The following ENTREP2 variants were observed in gnomAD, a reference collection of about 807,000 sequenced individuals.
The protein encoded by ENTREP2 is protein ENTREP2.
chr15:29,606,843 T>G, the ENTREP2 span, among the ~76,000 whole-genome samples: 1 of 152,078 alleles, frequency 6.6e-6, no homozygotes, highest in African/African-American at 2.4e-5. Context: ...CTTTCTTTCT[T>G]TTTTGAGACA....
At chr15:29,334,420 AGT>A in the ENTREP2 span, among the ~76,000 whole-genome samples, 2 of 83,830 alleles carry the variant, frequency 2.4e-5, no homozygotes, top group African/African-American at 5.4e-5. Context: ...CTTTCAAGGC[AGT>A]TAAGAATTTC....
At chr15:29,619,022 C>T in the ENTREP2 span, among the ~76,000 whole-genome samples, 13 of 152,214 alleles carry the variant, frequency 8.5e-5, no homozygotes, top group African/African-American at 3.1e-4. Flanking sequence ...CAGAGCCACC[C>T]GGCAGGGGCC....
At chr15:29,159,055 T>C in the ENTREP2 span, among the ~76,000 whole-genome samples, 28 of 152,324 alleles carry the variant, frequency 1.8e-4, no homozygotes, top group South Asian at 5.6e-3. Context: ...CGTGGTAGTG[T>C]ATCTGGAATT....
chr15:29,245,114 G>A, the ENTREP2 span, among the ~76,000 whole-genome samples: 2 of 152,124 alleles, frequency 1.3e-5, no homozygotes, highest in Non-Finnish European at 2.9e-5. Context: ...TCAACTGCTT[G>A]TACAGTTCAA....
At chr15:29,158,702 G>A in the ENTREP2 span, among the ~76,000 whole-genome samples, 1 of 152,076 alleles carries the variant, frequency 6.6e-6, no homozygotes, top group Non-Finnish European at 1.5e-5. Context: ...CCTTTACAAG[G>A]TGATTCAAAA....
the ENTREP2 span, among the ~76,000 whole-genome samples, chr15:29,171,649 T>C: frequency 6.6e-6 from 1 of 152,188 alleles, no homozygotes; most frequent in Non-Finnish European, 1.5e-5. Context: ...AGCAATTTCA[T>C]GTAAAGGCGA....
the ENTREP2 span, among the ~76,000 whole-genome samples, chr15:29,489,146 A>T: frequency 6.3e-4 from 71 of 113,144 alleles, no homozygotes; most frequent in African/African-American, 3.1e-3. Context: ...AAAATAAAAC[A>T]TGGGAAAAAC....
chr15:29,243,718 A>G, the ENTREP2 span, among the ~76,000 whole-genome samples: 1 of 152,228 alleles, frequency 6.6e-6, no homozygotes, highest in Non-Finnish European at 1.5e-5. Context: ...TATTATCTGT[A>G]GCTTTATAAC....
chr15:29,331,729 C>T, the ENTREP2 span, among the ~76,000 whole-genome samples: 5 of 152,192 alleles, frequency 3.3e-5, no homozygotes, highest in South Asian at 4.1e-4. Context: ...TTGCAGGCTC[C>T]GTCTTCTCAC....
chr15:29,179,616 T>A, the ENTREP2 span, among the ~76,000 whole-genome samples: 1 of 150,208 alleles, frequency 6.7e-6, no homozygotes, highest in Non-Finnish European at 1.5e-5. Context: ...AGTCTCGCTC[T>A]GTTGCCCAGG....
chr15:29,491,030 C>T, the ENTREP2 span, among the ~76,000 whole-genome samples: 5 of 152,162 alleles, frequency 3.3e-5, no homozygotes, highest in East Asian at 1.9e-4. Flanking sequence ...CGTGGGGAGG[C>T]GGCTGAGGCC....
chr15:29,404,954 C>A, the ENTREP2 span, among the ~76,000 whole-genome samples: 1 of 152,114 alleles, frequency 6.6e-6, no homozygotes, highest in Non-Finnish European at 1.5e-5. Context: ...CACCCTGGGC[C>A]CCGGCCCCCA....
chr15:29,325,357 T>G, the ENTREP2 span, among the ~76,000 whole-genome samples: 1 of 151,618 alleles, frequency 6.6e-6, no homozygotes. Context: ...AATAGAAAAT[T>G]GAAAAATAAT....
the ENTREP2 span, among the ~76,000 whole-genome samples, chr15:29,651,196 G>C: frequency 2.0e-5 from 3 of 152,284 alleles, no homozygotes; most frequent in Admixed American, 1.3e-4. Context: ...TAATTGATTG[G>C]AGCTTGCTTC....
the ENTREP2 span, among the ~76,000 whole-genome samples, chr15:29,615,975 G>A: frequency 3.9e-5 from 6 of 152,214 alleles, no homozygotes; most frequent in Admixed American, 1.3e-4. Context: ...TGGCACCAGA[G>A]GACCTGGTGG....
At chr15:29,409,388 C>T in the ENTREP2 span, among the ~76,000 whole-genome samples, 49 of 151,782 alleles carry the variant, frequency 3.2e-4, no homozygotes, top group African/African-American at 1.2e-3. Context: ...GTTGCCCAGG[C>T]AATCTCGGCT....
the ENTREP2 span, among the ~76,000 whole-genome samples, chr15:29,134,648 C>G: frequency 1.3e-5 from 2 of 152,222 alleles, no homozygotes; most frequent in African/African-American, 4.8e-5. Flanking sequence ...TAAGACCACC[C>G]TGCCTGCAAC....
the ENTREP2 span, among the ~76,000 whole-genome samples, chr15:29,152,076 T>C: frequency 6.6e-6 from 1 of 152,238 alleles, no homozygotes; most frequent in Non-Finnish European, 1.5e-5. Flanking sequence ...ACAATGTGTT[T>C]TACAATTTTG....
chr15:29,535,791 C>T, the ENTREP2 span, among the ~76,000 whole-genome samples: 1 of 151,818 alleles, frequency 6.6e-6, no homozygotes. Context: ...GGCTGGAGTG[C>T]AGTGGTGTGA....
Sources: allele counts gnomAD v4.1 joint callset (sites outside exome capture counted in the v4.1 genomes callset), GRCh38; gene constraint gnomAD v4.1.1; transcripts MANE v1.5; gene names NCBI Gene and HGNC (gene_info 2026-07-23, HGNC 2026-07-21).